The following CCDC12 variants were observed in gnomAD, a reference collection of about 807,000 sequenced individuals.
The protein encoded by CCDC12 is coiled-coil domain containing 12, also known as coiled-coil domain-containing protein 12.
In CCDC12, 28 loss-of-function variants were observed where a neutral mutation model predicts 25.7. The observed-to-expected ratio is 1.09, with a 90% CI of 0.81 to 1.50. The LOEUF is 1.50. CCDC12 is among the 40% of genes most tolerant of loss of function. CCDC12 has a pLI of 0.00. For synonymous variants in CCDC12, 75 were observed against 87.7 expected (o/e 0.86, Z 0.81); for missense variants, 198 against 210.0 (o/e 0.94, Z 0.35).
At chr3:46,939,812 C>G (rs1642806857) in intron 2 of CCDC12, among the ~76,000 whole-genome samples, 1 of 152,188 alleles carries the variant, frequency 6.6e-6, no homozygotes, top group Non-Finnish European at 1.5e-5. Flanking sequence ...ATTACAAAGG[C>G]AGAGATGAGG....
In CCDC12 at chr3:46,923,335, G is replaced by A. The variant is rs761271496; in HGVS notation, c.335C>T (p.Pro112Leu). The change falls in exon 5 of 7, where the codon CCT becomes CTT. Residue 112 changes from proline (P) to leucine (L), a missense_variant. Pro to Leu is a moderately conservative substitution (Grantham distance 98). Coordinates refer to ENST00000683445, the MANE Select transcript of CCDC12 (RefSeq NM_001277074.2). ...ACGCACGGGCAACACTCACCAGTCA[G>A]GCTTCCGAGGAGCGAGGTTGGCCAG... ...VDLANLAPRK[P>L]DWDLKRDVAK... 2 of 1,491,732 alleles carry A rather than the reference G, an allele frequency of 1.3e-6. No homozygotes were observed. Among genetic ancestry groups the A allele is most frequent in the East Asian group, 4.8e-5 (2 of 41,592 alleles). The allele number at this position is 1,491,732 out of a possible 1,614,324, so 92.4% of individuals were successfully genotyped here. A position where few individuals can be genotyped will look rare whatever the true frequency, so the allele number is the denominator to read the frequency against.
chr3:46,936,689 C>T (rs2033454599), intron 2 of CCDC12, among the ~76,000 whole-genome samples: 1 of 152,046 alleles, frequency 6.6e-6, no homozygotes, highest in Non-Finnish European at 1.5e-5. Flanking sequence ...ATCTTCTCAA[C>T]ATGTGTTCTT....
chr3:46,978,712 G>A (rs2035096897), upstream of CCDC12, among the ~76,000 whole-genome samples: 3 of 152,058 alleles, frequency 2.0e-5, no homozygotes, highest in South Asian at 6.2e-4. Flanking sequence ...GGCCGGGTGC[G>A]GTGGCTCATG....
intron 2 of CCDC12, among the ~76,000 whole-genome samples, chr3:46,938,718 C>T (rs561246588): frequency 4.4e-4 from 66 of 151,658 alleles, no homozygotes; most frequent in African/African-American, 1.5e-3. Flanking sequence ...CATAGTGGTG[C>T]GCACCTGTGG....
chr3:46,961,949 C>T (rs2034477185), intron 1 of CCDC12, among the ~76,000 whole-genome samples: 1 of 152,128 alleles, frequency 6.6e-6, no homozygotes, highest in Non-Finnish European at 1.5e-5. Context: ...CCTACGCACA[C>T]CACACAAAAG....
chr3:46,932,285 C>T (rs2107118377), intron 2 of CCDC12, among the ~76,000 whole-genome samples: 1 of 152,362 alleles, frequency 6.6e-6, no homozygotes, highest in African/African-American at 2.4e-5. Context: ...GGGATCTCTT[C>T]TGGCAGAGTG....
intron 1 of CCDC12, among the ~76,000 whole-genome samples, chr3:46,973,259 A>C (rs1187210516): frequency 6.6e-6 from 1 of 151,272 alleles, no homozygotes; most frequent in Non-Finnish European, 1.5e-5. Context: ...AGGCTAAGGC[A>C]GGAGAATCGC....
At chr3:46,954,165 A>C (rs532705354) in intron 1 of CCDC12, among the ~76,000 whole-genome samples, 2 of 152,270 alleles carry the variant, frequency 1.3e-5, no homozygotes, top group South Asian at 2.1e-4. Context: ...AGGGACTGGA[A>C]CAACCACCCA....
intron 1 of CCDC12, among the ~76,000 whole-genome samples, chr3:46,963,052 T>C (rs2034509612): frequency 6.6e-6 from 1 of 152,216 alleles, no homozygotes; most frequent in African/African-American, 2.4e-5. Flanking sequence ...AAACATATGA[T>C]GAATGAAAGA....
At chr3:46,960,719 G>A (rs974390847) in intron 1 of CCDC12, among the ~76,000 whole-genome samples, 2 of 152,176 alleles carry the variant, frequency 1.3e-5, no homozygotes, top group African/African-American at 2.4e-5. Context: ...GGAAAGCTCC[G>A]AAGGAAGGAA....
At chr3:46,963,909 G>A (rs551887066) in intron 1 of CCDC12, among the ~76,000 whole-genome samples, 3 of 151,724 alleles carry the variant, frequency 2.0e-5, no homozygotes, top group South Asian at 4.1e-4. Flanking sequence ...ATCTCTGCCT[G>A]GCCGCCCATC....
rs983978632 is a variant in CCDC12, at chr3:46,976,655, C to T, written c.78G>A (p.Arg26=). The change falls in exon 1 of 7, where the codon CGG becomes CGA. Residue 26 remains arginine, a synonymous_variant. Coordinates refer to ENST00000683445, the MANE Select transcript of CCDC12 (RefSeq NM_001277074.2). ...LRRKERLKAL[R]EKTGRKDKED... ...TTCTCACCTTGCGCCCGGTTTTCTC[C>T]CGTAGGGCCTTCAGCCGTTCCTTTC... The T allele has an allele frequency of 1.2e-6, 2 of 1,611,314 alleles. No homozygotes were observed. Among genetic ancestry groups the T allele is most frequent in the Non-Finnish European group, 1.7e-6 (2 of 1,178,746 alleles).
chr3:46,957,960 TACACACACACACACAC>T (rs367926661), intron 1 of CCDC12, among the ~76,000 whole-genome samples: 3 of 64,744 alleles, frequency 4.6e-5, no homozygotes, highest in South Asian at 7.2e-4. Context: ...AAAAAATAAA[TACACACACACACACAC>T]ACACACACAC....
chr3:46,970,868 C>T (rs1298950208), intron 1 of CCDC12, among the ~76,000 whole-genome samples: 2 of 152,186 alleles, frequency 1.3e-5, no homozygotes, highest in Admixed American at 6.5e-5. Context: ...TGTTCACCTA[C>T]TCACCCAGCC....
At chr3:46,922,200 T>C (rs2032710712) in intron 6 of CCDC12, 36 bp downstream of exon 6, 4 of 1,614,028 alleles carry the variant, frequency 2.5e-6, no homozygotes, top group Admixed American at 1.7e-5. Context: ...CACCACCCAG[T>C]GGGCAGGACC....
rs369626562 is a variant in CCDC12, at chr3:46,923,628, G to A, written c.285C>T (p.Pro95=). 31 of 1,589,586 alleles carry A rather than the reference G, an allele frequency of 2.0e-5. No homozygotes were observed. The highest frequency in any genetic ancestry group is 2.5e-5 in the Non-Finnish European group (29 of 1,167,112). The change falls in exon 4 of 7, where the codon CCC becomes CCT. Residue 95 remains proline, a synonymous_variant. Transcript: ENST00000683445. Reference sequence around the variant, plus strand: ...TCACCACCTCCTCGATGACGGGCTCGGGCTTGGCGGCCTCCAGCTGCTCCT... The same window carrying A: ...TCACCACCTCCTCGATGACGGGCTCAGGCTTGGCGGCCTCCAGCTGCTCCT... ...KVKEQLEAAK[P]EPVIEEVDLA...
chr3:46,932,407 T>C (rs1460116616), intron 2 of CCDC12, among the ~76,000 whole-genome samples: 2 of 152,212 alleles, frequency 1.3e-5, no homozygotes, highest in African/African-American at 2.4e-5. Context: ...ATGGCTGGCT[T>C]TGCAGCAAAT....
chr3:46,972,641 A>G (rs1173847503), intron 1 of CCDC12, among the ~76,000 whole-genome samples: 1 of 152,080 alleles, frequency 6.6e-6, no homozygotes, highest in Non-Finnish European at 1.5e-5. Flanking sequence ...AAAAAAACGA[A>G]AAAAGAAGAT....
intron 1 of CCDC12, among the ~76,000 whole-genome samples, chr3:46,959,192 C>A (rs963294850): frequency 2.0e-4 from 18 of 88,136 alleles, no homozygotes; most frequent in Admixed American, 1.6e-3. Flanking sequence ...CACCTACACA[C>A]ACTTCCTTTA....
Sources: allele counts gnomAD v4.1 joint callset (sites outside exome capture counted in the v4.1 genomes callset), GRCh38; gene constraint gnomAD v4.1.1; transcripts MANE v1.5; gene names NCBI Gene and HGNC (gene_info 2026-07-23, HGNC 2026-07-21).